NSG1: variants seen among roughly 807,000 people sequenced by gnomAD.
NSG1 encodes the protein neuronal vesicle trafficking associated 1.
A neutral mutation model predicts 19.3 loss-of-function variants in NSG1; 9 were observed. The observed-to-expected ratio is 0.47, with a 90% CI of 0.28 to 0.81. NSG1 has a LOEUF of 0.81. Ranked by LOEUF, NSG1 falls within the 40% of genes least tolerant of loss-of-function variation. NSG1 has a pLI of 0.11. For missense variants in NSG1, 236 were observed against 242.4 expected, an observed-to-expected ratio of 0.97 and a Z score of 0.18; for synonymous variants, 104 against 107.0, an observed-to-expected ratio of 0.97 and a Z score of 0.17.
chr4:4,415,655 C>G (rs1034377169), intron 4 of NSG1: 1 of 155,882 alleles, frequency 6.4e-6, no homozygotes, highest in Non-Finnish European at 1.4e-5. Flanking sequence ...GTCCTTCTCC[C>G]TGGGCGGGGC....
At chr4:4,414,450 C>T (rs1317995286) in intron 4 of NSG1, among the ~76,000 whole-genome samples, 2 of 152,046 alleles carry the variant, frequency 1.3e-5, no homozygotes, top group African/African-American at 4.8e-5. Context: ...CCGGAGAAGG[C>T]ACCTAGGAAG....
intron 3 of NSG1, among the ~76,000 whole-genome samples, chr4:4,398,281 A>C (rs1723372183): frequency 6.6e-6 from 1 of 152,186 alleles, no homozygotes; most frequent in African/African-American, 2.4e-5. Context: ...ATTGTGGTAA[A>C]ATATGCAAAA....
At chr4:4,396,160 A>C (rs901684105) in intron 3 of NSG1, among the ~76,000 whole-genome samples, 3 of 152,254 alleles carry the variant, frequency 2.0e-5, no homozygotes, top group Non-Finnish European at 4.4e-5. Flanking sequence ...GATGTTTCTC[A>C]ACCAAACCTA....
chr4:4,395,777 A>G (rs867421043), intron 3 of NSG1, among the ~76,000 whole-genome samples: 1 of 152,200 alleles, frequency 6.6e-6, no homozygotes, highest in Non-Finnish European at 1.5e-5. Flanking sequence ...CATGAATTGC[A>G]GGAATGGAAT....
Position 4,414,951 on chromosome 4 carries a change from T to TA in NSG1, c.358-2275dup, listed in dbSNP as rs761520389. 8.1e-3 allele frequency among the ~76,000 whole-genome samples: 1,211 copies of TA among 148,932 alleles called. 23 individuals are homozygous for TA. The highest frequency in any genetic ancestry group is 0.028 in the African/African-American group (1,132 of 39,998). On this transcript the variant is annotated intron_variant, in intron 4 of 4. Coordinates refer to ENST00000621129, the MANE Select transcript of NSG1 (RefSeq NM_014392.5). ...GACACTAGGTTTCTACCTCTGCCTT[T>TA]AAAAAAAAACAACAACAACATGAAA...
intron 3 of NSG1, among the ~76,000 whole-genome samples, chr4:4,407,355 G>A (rs898312732): frequency 2.0e-5 from 3 of 152,146 alleles, no homozygotes; most frequent in Non-Finnish European, 4.4e-5. Flanking sequence ...GAGGGGACAG[G>A]TCTCATTGGA....
At chr4:4,390,556 T>C (rs1259471967) in intron 2 of NSG1, among the ~76,000 whole-genome samples, 1 of 152,142 alleles carries the variant, frequency 6.6e-6, no homozygotes, top group Non-Finnish European at 1.5e-5. Context: ...GCCTCGTCCC[T>C]CGGGGGAGAA....
intron 3 of NSG1, among the ~76,000 whole-genome samples, chr4:4,393,993 G>A (rs756337862): frequency 2.2e-4 from 34 of 152,330 alleles, no homozygotes; most frequent in South Asian, 6.2e-4. Flanking sequence ...CAGTGACGGA[G>A]TGATCCATGA....
chr4:4,405,879 A>C (rs1318938709), intron 3 of NSG1, among the ~76,000 whole-genome samples: 18 of 152,032 alleles, frequency 1.2e-4, no homozygotes, highest in Admixed American at 1.2e-3. Flanking sequence ...TTCGGAGGAC[A>C]CCCCCGAGGA....
Position 4,410,129 on chromosome 4 carries a change from C to T in NSG1, c.357+446C>T, listed in dbSNP as rs548416965. On this transcript the variant is annotated intron_variant, in intron 4 of 4. Transcript: ENST00000621129. ...CAGAGAGGAAGGCCTTGCCCAAGGC[C>T]ACGCAGGGAAAGGGGAGCAGGGCTG... is the stretch of plus-strand genomic sequence containing the variant. Among the ~76,000 whole-genome samples, 157 of 152,180 alleles carry T rather than the reference C, an allele frequency of 1.0e-3. 1 individual carries two copies. Among genetic ancestry groups the T allele is most frequent in the South Asian group, 2.5e-3 (12 of 4,824 alleles).
intron 3 of NSG1, among the ~76,000 whole-genome samples, chr4:4,409,297 CTG>C (rs1724038738): frequency 6.6e-6 from 1 of 152,256 alleles, no homozygotes; most frequent in African/African-American, 2.4e-5. Context: ...TTCTTCATAT[CTG>C]TACCCTGAGC....
intron 3 of NSG1, 75 bp from the exon 4 acceptor site, chr4:4,409,498 C>T (rs1197764659): frequency 9.6e-7 from 1 of 1,042,294 alleles, no homozygotes; most frequent in African/African-American, 1.6e-5. Context: ...TGGGGGGGGG[C>T]CTTCGTGTGC....
chr4:4,408,749 C>G (rs1724000017), intron 3 of NSG1, among the ~76,000 whole-genome samples: 1 of 152,180 alleles, frequency 6.6e-6, no homozygotes, highest in Non-Finnish European at 1.5e-5. Context: ...TGTGAGTCAC[C>G]ACGCCCAGCC....
Position 4,416,871 on chromosome 4 carries a change from G to A in NSG1, c.358-364G>A, listed in dbSNP as rs187548691. ...GGGAAGCTCTTCTCACTTCCCTTCC[G>A]TCCTCATTTGAATTGGTTGTTTTGG... On this transcript the variant is annotated intron_variant, in intron 4 of 4. Coordinates refer to ENST00000621129, the MANE Select transcript of NSG1 (RefSeq NM_014392.5). Among the ~76,000 whole-genome samples the A allele has an allele frequency of 1.1e-4, 17 of 152,234 alleles. No homozygotes were observed. The East Asian group carries it at 2.1e-3, about 19-fold the overall frequency.
intron 4 of NSG1, among the ~76,000 whole-genome samples, chr4:4,414,668 C>A (rs1022189853): frequency 6.6e-5 from 10 of 152,194 alleles, no homozygotes; most frequent in Admixed American, 2.0e-4. Context: ...GCTGTTATAT[C>A]CCCATTTTAC....
At position 4,417,477 on chromosome 4, in the gene NSG1, CA is replaced by C; in HGVS notation, c.*45del. On this transcript the variant is annotated 3_prime_UTR_variant, in exon 5 of 5. Coordinates refer to ENST00000621129, the MANE Select transcript of NSG1 (RefSeq NM_014392.5). ...CTTACAATGTGTCACTTGCAAATAA[CA>C]AAGGGACTTTGAGGGACATTTCATT... 1 of 1,559,418 alleles carries C rather than the reference CA, an allele frequency of 6.4e-7. No homozygotes were observed. The highest frequency in any genetic ancestry group is 8.8e-7 in the Non-Finnish European group (1 of 1,130,842).
rs1012236697 is a variant in NSG1, at chr4:4,418,264, A to C, written c.*829A>C. On this transcript the variant is annotated 3_prime_UTR_variant, in exon 5 of 5. Transcript: ENST00000621129. ...AGAGCCCCCACTGGCCCTCTGGTTC[A>C]CTTCTATTATGAATAAATTTGCACC... 1.3e-5 allele frequency: 2 copies of C among 152,222 alleles called. No homozygotes were observed. The highest frequency in any genetic ancestry group is 2.4e-5 in the African/African-American group (1 of 41,446). 9.4% of individuals were successfully genotyped at this position (152,222 alleles called of 1,614,324 possible). A position where few individuals can be genotyped will look rare whatever the true frequency, so the allele number is the denominator to read the frequency against.
chr4:4,397,216 A>G (rs1002085218), intron 3 of NSG1, among the ~76,000 whole-genome samples: 1 of 148,216 alleles, frequency 6.7e-6, no homozygotes, highest in African/African-American at 2.5e-5. Flanking sequence ...CCTCCGCCTG[A>G]GGGTAGGAGG....
Position 4,417,921 on chromosome 4 carries a change from G to A in NSG1, c.*486G>A. 1 of 192,726 alleles carries A rather than the reference G, an allele frequency of 5.2e-6. No homozygotes were observed. Among genetic ancestry groups the A allele is most frequent in the South Asian group, 9.5e-5 (1 of 10,524 alleles). 11.9% of individuals were successfully genotyped at this position (192,726 alleles called of 1,614,324 possible). The stretch of plus-strand genomic sequence containing the variant: ...GTGCTGACTGCTGCCAAGGTGCACT[G>A]TAGTAAGTAAGTGGCATAGAGAACG... On this transcript the variant is annotated 3_prime_UTR_variant, in exon 5 of 5. Coordinates refer to ENST00000621129, the MANE Select transcript of NSG1 (RefSeq NM_014392.5).
Sources: gnomAD v4.1 joint callset for allele counts (sites outside exome capture counted in the v4.1 genomes callset) on GRCh38, gnomAD v4.1.1 for gene constraint, MANE v1.5 for transcripts, NCBI Gene and HGNC (gene_info 2026-07-23, HGNC 2026-07-21) for gene names.